The following TPH2 variants were observed in gnomAD, a reference collection of about 807,000 sequenced individuals.
The protein encoded by TPH2 is tryptophan hydroxylase 2.
In TPH2, 27 loss-of-function variants were observed where a neutral mutation model predicts 59.1. That is an observed-to-expected ratio of 0.46 (90% CI 0.34 to 0.63). The LOEUF is 0.63. Ranked by LOEUF, TPH2 falls within the 30% of genes least tolerant of loss-of-function variation. The probability of loss-of-function intolerance (pLI) is 0.01; values close to 1 mark genes in which losing one functional copy is unlikely to be tolerated. For synonymous variants in TPH2, 220 were observed against 210.5 expected, an observed-to-expected ratio of 1.05 and a Z score of -0.39; for missense variants, 523 against 588.3, an observed-to-expected ratio of 0.89 and a Z score of 1.15.
At chr12:71,970,241 G>C (rs1207402024) in intron 5 of TPH2, among the ~76,000 whole-genome samples, 1 of 152,164 alleles carries the variant, frequency 6.6e-6, no homozygotes, top group Non-Finnish European at 1.5e-5. Flanking sequence ...TTTAGGGTAG[G>C]AGCAGTGCAT....
chr12:71,944,760 C>G (rs41317134), intron 4 of TPH2, 74 bp downstream of exon 4: 836 of 1,305,922 alleles, frequency 6.4e-4, no homozygotes, highest in Non-Finnish European at 8.7e-4. Context: ...GTGCCATGTT[C>G]TGTGCTGCAA....
In TPH2 at chr12:71,944,334, C is replaced by T. The variant is rs1566111640; in HGVS notation, c.296C>T (p.Ser99Phe). 12 of 1,613,846 alleles carry T rather than the reference C, an allele frequency of 7.4e-6. No homozygotes were observed. Among genetic ancestry groups the T allele is most frequent in the Non-Finnish European group, 1.0e-5 (12 of 1,179,824 alleles). ...VNMVHIESRK[S>F]RRRSSEVEIF... ...ATGGTTCATATTGAATCCAGGAAAT[C>T]TCGGCGAAGAAGTTCTGAGGTTGAA... The change falls in exon 3 of 11, where the codon TCT becomes TTT. Residue 99 changes from serine (S) to phenylalanine (F), a missense_variant. Transcript: ENST00000333850.
rs115514017 is a variant in TPH2 at position 71,998,161 on chromosome 12, G to T, written c.1068+3596G>T. Among the ~76,000 whole-genome samples the T allele has an allele frequency of 2.5e-3, 384 of 152,236 alleles. 2 individuals are homozygous for T. The highest frequency in any genetic ancestry group is 8.8e-3 in the African/African-American group (365 of 41,548). On this transcript the variant is annotated intron_variant, in intron 8 of 10. Coordinates refer to ENST00000333850, the MANE Select transcript of TPH2 (RefSeq NM_173353.4). ...TAGGGGTGGGTGTTTGCCTCACCAT[G>T]GTTTTGACTGATTCACTCATTTCTC...
intron 7 of TPH2, among the ~76,000 whole-genome samples, chr12:71,989,389 A>G: frequency 6.6e-6 from 1 of 152,184 alleles, no homozygotes; most frequent in South Asian, 2.1e-4. Flanking sequence ...GCATTTACCC[A>G]TCAACTGTTG....
intron 7 of TPH2, among the ~76,000 whole-genome samples, chr12:71,988,205 A>G (rs1233283267): frequency 1.3e-5 from 2 of 152,194 alleles, no homozygotes; most frequent in Admixed American, 1.3e-4. Context: ...GTTGTGTTAT[A>G]TTGCTTTCTT....
chr12:71,986,697 C>A (rs1461801799), intron 7 of TPH2, among the ~76,000 whole-genome samples: 2 of 149,982 alleles, frequency 1.3e-5, no homozygotes, highest in African/African-American at 4.9e-5. Flanking sequence ...TACCCCTGCA[C>A]CCAGTTCTGT....
intron 5 of TPH2, chr12:71,965,371 A>T (rs1871790539): frequency 1.3e-5 from 2 of 152,246 alleles, no homozygotes; most frequent in African/African-American, 4.8e-5. Context: ...ACTGCTTTCC[A>T]CAATGGTTGA....
intron 7 of TPH2, among the ~76,000 whole-genome samples, chr12:71,985,607 C>T (rs1872409639): frequency 6.6e-6 from 1 of 152,116 alleles, no homozygotes; most frequent in South Asian, 2.1e-4. Flanking sequence ...TCATGTTGGT[C>T]AGGCTGGTCT....
chr12:71,992,357 G>A (rs1259623797), intron 7 of TPH2, among the ~76,000 whole-genome samples: 4 of 152,110 alleles, frequency 2.6e-5, no homozygotes, highest in Admixed American at 1.3e-4. Flanking sequence ...CGAGGTGGGC[G>A]GATCGCTTGA....
chr12:71,992,927 G>A (rs1342977053), intron 7 of TPH2, among the ~76,000 whole-genome samples: 1 of 152,132 alleles, frequency 6.6e-6, no homozygotes, highest in Admixed American at 6.6e-5. Flanking sequence ...CTGCTTCTTT[G>A]CCATAAGCAA....
At chr12:72,016,455 G>A (rs777749801) in intron 8 of TPH2, among the ~76,000 whole-genome samples, 1 of 152,124 alleles carries the variant, frequency 6.6e-6, no homozygotes, top group Non-Finnish European at 1.5e-5. Flanking sequence ...CTGTGTACAA[G>A]ATAAAGATAA....
chr12:72,009,424 G>A (rs1048930101), intron 8 of TPH2, among the ~76,000 whole-genome samples: 4 of 152,104 alleles, frequency 2.6e-5, no homozygotes, highest in Non-Finnish European at 1.5e-5. Context: ...AATTAATTTT[G>A]TGTCCATCAA....
intron 8 of TPH2, among the ~76,000 whole-genome samples, chr12:72,009,904 C>T (rs1179410131): frequency 6.6e-6 from 1 of 152,208 alleles, no homozygotes; most frequent in Non-Finnish European, 1.5e-5. Flanking sequence ...AAAAACAGCA[C>T]AGTCTTTGGG....
intron 9 of TPH2, among the ~76,000 whole-genome samples, chr12:72,022,927 A>G (rs956004184): frequency 4.6e-5 from 7 of 152,304 alleles, no homozygotes; most frequent in Admixed American, 3.9e-4. Flanking sequence ...AGGGAGTTTG[A>G]TGTTGTTTCA....
At chr12:72,024,421 C>A (rs1156989523) in intron 9 of TPH2, among the ~76,000 whole-genome samples, 1 of 152,186 alleles carries the variant, frequency 6.6e-6, no homozygotes, top group Admixed American at 6.5e-5. Flanking sequence ...AAACTGATGA[C>A]CTGATGTAGT....
chr12:71,958,615 C>T (rs1871581310), intron 5 of TPH2, among the ~76,000 whole-genome samples: 1 of 152,170 alleles, frequency 6.6e-6, no homozygotes, highest in Non-Finnish European at 1.5e-5. Context: ...AACCATGTCT[C>T]CATTCTGTGT....
At chr12:71,980,018 A>G (rs373703155) in intron 7 of TPH2, among the ~76,000 whole-genome samples, 2 of 152,308 alleles carry the variant, frequency 1.3e-5, no homozygotes, top group East Asian at 3.9e-4. Context: ...TGAAGTGCTA[A>G]TAAGTGCTGT....
intron 6 of TPH2, among the ~76,000 whole-genome samples, chr12:71,976,281 C>A (rs955484271): frequency 6.6e-6 from 1 of 152,156 alleles, no homozygotes; most frequent in Admixed American, 6.5e-5. Context: ...TAGCTATTTC[C>A]TTTGTTATTG....
chr12:72,018,642 A>G (rs938660348), intron 8 of TPH2, among the ~76,000 whole-genome samples: 2 of 152,040 alleles, frequency 1.3e-5, no homozygotes, highest in Non-Finnish European at 2.9e-5. Flanking sequence ...TTGATAGCAC[A>G]TTTTTTCCAC....
Sources: gnomAD v4.1 joint callset for allele counts (sites outside exome capture counted in the v4.1 genomes callset) on GRCh38, gnomAD v4.1.1 for gene constraint, MANE v1.5 for transcripts, NCBI Gene and HGNC (gene_info 2026-07-23, HGNC 2026-07-21) for gene names.